Variants in DENND5A observed in about 807,000 individuals in gnomAD.
DENND5A encodes the protein DENN domain containing 5A.
Under a neutral mutation model 140.3 loss-of-function variants are expected in DENND5A, and 64 were observed. The ratio of observed to expected loss-of-function variants is 0.46; its 90% CI spans 0.37 to 0.56. DENND5A has a LOEUF of 0.56. Ranked by LOEUF, DENND5A falls within the 20% of genes least tolerant of loss-of-function variation. The probability of loss-of-function intolerance (pLI) is 0.00; values close to 1 mark genes in which losing one functional copy is unlikely to be tolerated. For synonymous variants in DENND5A, 605 were observed against 607.7 expected (o/e 1.00, Z 0.07); for missense variants, 1,292 against 1,593.8 (o/e 0.81, Z 3.22).
rs543931928 is a variant in DENND5A, at chr11:9,178,627, A to G, written c.1671+231T>C. Among the ~76,000 whole-genome samples, 8 of 152,222 alleles carry G rather than the reference A, an allele frequency of 5.3e-5. No homozygotes were observed. The South Asian group carries it at 1.7e-3, about 32-fold the overall frequency. ...ATCCTGATGTTCACTCTACATGTCT[A>G]TCTTTGCCTTAAGAGATCCCTTTGG... On this transcript the variant is annotated intron_variant, in intron 7 of 22. Coordinates refer to ENST00000328194, the MANE Select transcript of DENND5A (RefSeq NM_015213.4).
intron 3 of DENND5A, among the ~76,000 whole-genome samples, chr11:9,204,942 T>A (rs1849646356): frequency 1.3e-5 from 2 of 152,046 alleles, no homozygotes; most frequent in Non-Finnish European, 2.9e-5. Flanking sequence ...CACAAAGACA[T>A]GGAGATAAAA....
chr11:9,178,875 T>G lies in DENND5A; in HGVS notation c.1654A>C (p.Met552Leu), dbSNP rs763085422. The change falls in exon 7 of 23, where the codon ATG (methionine) becomes CTG (leucine). Residue 552 changes from methionine (M) to leucine (L), a missense_variant. Physicochemically the swap from Met to Leu is conservative, Grantham distance 15 (BLOSUM62 2). Around this residue, in one of 4 missense-constraint regions of DENND5A, gnomAD observed 29 missense variants for 64.7 expected, o/e 0.45. Transcript: ENST00000328194. Reference sequence around the variant, plus strand: ...ACACTCACTTTATCAAAGTTTTGCATTTGCTCCCTGTTGGTAAACCAGGAT... The same window carrying G: ...ACACTCACTTTATCAAAGTTTTGCAGTTGCTCCCTGTTGGTAAACCAGGAT... ...KESWFTNREQ[M>L]QNFDKASFLS... 1 of 1,614,050 alleles carries G rather than the reference T, an allele frequency of 6.2e-7. No homozygotes were observed. The highest frequency in any genetic ancestry group is 1.1e-5 in the South Asian group (1 of 91,068).
chr11:9,227,304 A>G (rs1010614619), intron 1 of DENND5A, among the ~76,000 whole-genome samples: 5 of 152,200 alleles, frequency 3.3e-5, no homozygotes, highest in African/African-American at 7.2e-5. Flanking sequence ...TTGCTACATT[A>G]TTACATTACG....
At position 9,243,452 on chromosome 11, in the gene DENND5A, TA is replaced by T. The variant is rs201506195; in HGVS notation, c.109+21508del. 7.2e-3 allele frequency among the ~76,000 whole-genome samples: 1,102 copies of T among 152,252 alleles called. 10 individuals carry two copies. Among genetic ancestry groups the T allele is most frequent in the African/African-American group, 0.026 (1,060 of 41,562 alleles). ...TGGGTTTCAACTGTGTGGGTACACT[TA>T]TACATAGATTTTCTTCCACCTCTGC... On this transcript the variant is annotated intron_variant, in intron 1 of 22. Coordinates refer to ENST00000328194, the MANE Select transcript of DENND5A (RefSeq NM_015213.4).
At chr11:9,156,488 G>A (rs576645078) in intron 12 of DENND5A, among the ~76,000 whole-genome samples, 19 of 152,096 alleles carry the variant, frequency 1.2e-4, no homozygotes, top group Non-Finnish European at 2.4e-4. Context: ...TTAGCCGGAC[G>A]TGGTGGCCTG....
At chr11:9,228,491 G>A (rs1411367920) in intron 1 of DENND5A, among the ~76,000 whole-genome samples, 1 of 152,084 alleles carries the variant, frequency 6.6e-6, no homozygotes. Flanking sequence ...GCTCATGCTT[G>A]CAATCCTGGC....
chr11:9,207,775 G>A, intron 1 of DENND5A, 143 bp from the exon 2 acceptor site: 2 of 565,436 alleles, frequency 3.5e-6, no homozygotes, highest in South Asian at 5.2e-5. Flanking sequence ...TTTACCTAAA[G>A]CAAAAATTTC....
intron 1 of DENND5A, among the ~76,000 whole-genome samples, chr11:9,237,670 G>A (rs2136266341): frequency 6.6e-6 from 1 of 152,260 alleles, no homozygotes; most frequent in African/African-American, 2.4e-5. Context: ...CAGATCACCT[G>A]AGATCAGGAG....
chr11:9,244,825 C>T (rs1851395347), intron 1 of DENND5A, among the ~76,000 whole-genome samples: 1 of 152,152 alleles, frequency 6.6e-6, no homozygotes, highest in African/African-American at 2.4e-5. Flanking sequence ...CAGGCACACG[C>T]AACCCAGAAA....
At chr11:9,219,258 G>A (rs1408607839) in intron 1 of DENND5A, among the ~76,000 whole-genome samples, 1 of 152,098 alleles carries the variant, frequency 6.6e-6, no homozygotes, top group Non-Finnish European at 1.5e-5. Context: ...ACCAAGACAC[G>A]TCATGATGTA....
chr11:9,247,154 C>T (rs186222914), intron 1 of DENND5A, among the ~76,000 whole-genome samples: 1,542 of 150,968 alleles, frequency 0.01, 14 homozygotes, highest in Admixed American at 0.016. Context: ...GGCGTGAACC[C>T]GGGAGGCGGA....
intron 22 of DENND5A, 116 bp from the exon 23 acceptor site, chr11:9,139,970 C>T: frequency 9.0e-7 from 1 of 1,115,170 alleles, no homozygotes; most frequent in Non-Finnish European, 1.3e-6. Flanking sequence ...GAGAAGCTGA[C>T]AGCCCCCCAC....
chr11:9,259,498 G>C (rs950360622), intron 1 of DENND5A, among the ~76,000 whole-genome samples: 6 of 148,902 alleles, frequency 4.0e-5, no homozygotes, highest in African/African-American at 1.5e-4. Flanking sequence ...CCCGGGAGGC[G>C]GAGTTTGCAG....
chr11:9,240,214 T>C (rs1851176171), intron 1 of DENND5A, among the ~76,000 whole-genome samples: 1 of 151,802 alleles, frequency 6.6e-6, no homozygotes, highest in African/African-American at 2.4e-5. Flanking sequence ...GCCAACATGG[T>C]GAAACCCCAT....
rs1849734776 is a variant in DENND5A at position 9,207,590 on chromosome 11, G to T, written c.152C>A (p.Ala51Asp). ...YIQASKARDG[A>D]SPFISSTTEG... ...AGTCGTACTTGAAATGAAAGGGCTGGCACCATCCCTGGCTTTAGAAGCCTG... is the reference window on the plus strand; with the variant it reads ...AGTCGTACTTGAAATGAAAGGGCTGTCACCATCCCTGGCTTTAGAAGCCTG... The change falls in exon 2 of 23, where the codon GCC becomes GAC. Residue 51 changes from alanine to aspartate, a missense_variant. By Grantham distance (126) the Ala-to-Asp change is moderately radical (BLOSUM62 -2). Around this residue, in one of 4 missense-constraint regions of DENND5A, gnomAD observed 566 missense variants for 650.4 expected, o/e 0.87. Coordinates refer to ENST00000328194, the MANE Select transcript of DENND5A (RefSeq NM_015213.4). 1 of 1,613,150 alleles carries T rather than the reference G, an allele frequency of 6.2e-7. No individual in the cohort carries two copies. Among genetic ancestry groups the T allele is most frequent in the Admixed American group, 1.7e-5 (1 of 59,966 alleles).
In DENND5A at chr11:9,209,932, C is replaced by T. The variant is rs192645278; in HGVS notation, c.110-2300G>A. Among the ~76,000 whole-genome samples the T allele has an allele frequency of 2.6e-4, 40 of 152,012 alleles. 1 individual carries two copies. Among genetic ancestry groups the T allele is most frequent in the African/African-American group, 8.7e-4 (36 of 41,454 alleles). On this transcript the variant is annotated intron_variant, in intron 1 of 22. Transcript: ENST00000328194. ...ACCAGCCTGGCCAACATGGTGAAACCCCATCTCTACTAAAAAATACAAAAA... is the reference window on the plus strand; with the variant it reads ...ACCAGCCTGGCCAACATGGTGAAACTCCATCTCTACTAAAAAATACAAAAA...
At chr11:9,255,084 TAAAATAAAATAAAATAATA>T (rs545488511) in intron 1 of DENND5A, among the ~76,000 whole-genome samples, 2,732 of 151,618 alleles carry the variant, frequency 0.018, 47 homozygotes, top group South Asian at 0.076. Context: ...AAATAATAAA[TAAAATAAAATAAAATAATA>T]AAAATAAAAA....
At chr11:9,172,820 A>G (rs750192112) in intron 8 of DENND5A, among the ~76,000 whole-genome samples, 4 of 151,622 alleles carry the variant, frequency 2.6e-5, no homozygotes, top group Non-Finnish European at 5.9e-5. Flanking sequence ...TCTTTTTTTT[A>G]TTTTTATTTT....
At chr11:9,202,822 A>T (rs1423033147) in intron 4 of DENND5A, among the ~76,000 whole-genome samples, 2 of 152,204 alleles carry the variant, frequency 1.3e-5, no homozygotes, top group African/African-American at 2.4e-5. Context: ...CTTTTCCTAC[A>T]GATATTAACA....
Sources: gnomAD v4.1 joint callset for allele counts (sites outside exome capture counted in the v4.1 genomes callset) on GRCh38, gnomAD v4.1.1 for gene constraint, gnomAD v4.1.1 regional missense constraint, MANE v1.5 for transcripts, NCBI Gene and HGNC (gene_info 2026-07-23, HGNC 2026-07-21) for gene names.